Variants in MAF observed in about 807,000 individuals in gnomAD.
MAF encodes the protein transcription factor Maf.
A neutral mutation model predicts 22.0 loss-of-function variants in MAF; 10 were observed. The ratio of observed to expected loss-of-function variants is 0.45; its 90% CI spans 0.28 to 0.77. The LOEUF is 0.77. MAF is among the 30% of genes least tolerant of loss of function. The probability of loss-of-function intolerance (pLI) is 0.12; values close to 1 mark genes in which losing one functional copy is unlikely to be tolerated. For missense variants in MAF, 544 were observed against 548.4 expected (o/e 0.99, Z 0.08); for synonymous variants, 337 against 255.8 (o/e 1.32, Z -3.03).
chr16:79,489,039 T>C, the MAF span, among the ~76,000 whole-genome samples: 1 of 152,192 alleles, frequency 6.6e-6, no homozygotes. Context: ...AATTTGTTGA[T>C]GCCTGAAACT....
chr16:79,353,222 A>G, the MAF span, among the ~76,000 whole-genome samples: 2 of 152,096 alleles, frequency 1.3e-5, no homozygotes, highest in African/African-American at 2.4e-5. Flanking sequence ...CCCAGGTCCA[A>G]GCAATTCTCT....
chr16:79,555,851 G>C, the MAF span, among the ~76,000 whole-genome samples: 1 of 152,112 alleles, frequency 6.6e-6, no homozygotes, highest in African/African-American at 2.4e-5. Context: ...ATAACTTTGA[G>C]GGTCTCAAGA....
the MAF span, among the ~76,000 whole-genome samples, chr16:79,455,790 G>T: frequency 1.3e-5 from 2 of 151,842 alleles, 1 homozygote; most frequent in African/African-American, 4.8e-5. Context: ...GACCAAGGTG[G>T]GCAGACTGCC....
the MAF span, among the ~76,000 whole-genome samples, chr16:79,524,950 G>C: frequency 6.6e-6 from 1 of 152,298 alleles, no homozygotes; most frequent in East Asian, 1.9e-4. Flanking sequence ...AAGTAGAGCA[G>C]CATTAGGTTA....
At chr16:79,581,964 T>C (rs1912548117), downstream of MAF, among the ~76,000 whole-genome samples, 1 of 152,220 alleles carries the variant, frequency 6.6e-6, no homozygotes, top group African/African-American at 2.4e-5. Context: ...TTAGTTCCTA[T>C]GTGAAATTTT....
chr16:79,418,197 G>A, the MAF span, among the ~76,000 whole-genome samples: 1 of 152,182 alleles, frequency 6.6e-6, no homozygotes, highest in Non-Finnish European at 1.5e-5. Flanking sequence ...GGCTGGGCTT[G>A]AGAGACCATC....
the MAF span, among the ~76,000 whole-genome samples, chr16:79,445,161 G>A: frequency 7.6e-4 from 115 of 152,084 alleles, 2 homozygotes; most frequent in Middle Eastern, 0.017. Flanking sequence ...AGCCCCCTGA[G>A]CAGCTGGAAC....
At chr16:79,281,097 C>A in the MAF span, among the ~76,000 whole-genome samples, 2 of 151,368 alleles carry the variant, frequency 1.3e-5, no homozygotes, top group African/African-American at 4.9e-5. Context: ...GAGACGAAGA[C>A]AAATAGAGGA....
the MAF span, among the ~76,000 whole-genome samples, chr16:79,530,705 T>C: frequency 1.3e-5 from 2 of 152,206 alleles, no homozygotes; most frequent in Admixed American, 6.5e-5. Context: ...TTTTGAATAT[T>C]GTGAACTTTC....
downstream of MAF, among the ~76,000 whole-genome samples, chr16:79,590,785 G>C (rs940377613): frequency 6.6e-5 from 10 of 152,052 alleles, no homozygotes; most frequent in Admixed American, 5.2e-4. Context: ...GTTAAAGTCT[G>C]GGCCATACTC....
chr16:79,591,684 T>G (rs1462781098), downstream of MAF, among the ~76,000 whole-genome samples: 2 of 152,218 alleles, frequency 1.3e-5, no homozygotes, highest in Admixed American at 6.5e-5. Context: ...GTTGGTTTGC[T>G]CTTCCCATCT....
the MAF span, among the ~76,000 whole-genome samples, chr16:79,295,538 T>C: frequency 6.6e-6 from 1 of 152,250 alleles, no homozygotes; most frequent in Non-Finnish European, 1.5e-5. Flanking sequence ...CTACTGTCTG[T>C]TTACACCTCC....
At chr16:79,285,615 C>T in the MAF span, among the ~76,000 whole-genome samples, 3 of 152,090 alleles carry the variant, frequency 2.0e-5, no homozygotes, top group Admixed American at 6.5e-5. Context: ...GGAAGTTTAC[C>T]ATGGTGATTC....
the MAF span, among the ~76,000 whole-genome samples, chr16:79,508,409 C>G: frequency 6.6e-6 from 1 of 152,206 alleles, no homozygotes; most frequent in Admixed American, 6.5e-5. Context: ...CCATGGGCCT[C>G]TCTCCTCCTG....
chr16:79,398,671 G>A, the MAF span, among the ~76,000 whole-genome samples: 1 of 150,164 alleles, frequency 6.7e-6, no homozygotes, highest in Non-Finnish European at 1.5e-5. Context: ...ATTGACACAA[G>A]GCTCTCTGAG....
chr16:79,580,318 C>T, the MAF span, among the ~76,000 whole-genome samples: 1 of 152,112 alleles, frequency 6.6e-6, no homozygotes, highest in Non-Finnish European at 1.5e-5. Context: ...CAGGATGCTA[C>T]CAAGTGATCA....
At chr16:79,368,152 T>C in the MAF span, among the ~76,000 whole-genome samples, 1 of 152,126 alleles carries the variant, frequency 6.6e-6, no homozygotes, top group African/African-American at 2.4e-5. Context: ...AGCACAGAGA[T>C]TGCACAGACT....
At chr16:79,379,690 T>A in the MAF span, among the ~76,000 whole-genome samples, 1 of 152,166 alleles carries the variant, frequency 6.6e-6, no homozygotes, top group Non-Finnish European at 1.5e-5. Flanking sequence ...AGGGGCTGAG[T>A]CTTGATCTTT....
At chr16:79,342,248 T>C in the MAF span, among the ~76,000 whole-genome samples, 1 of 152,194 alleles carries the variant, frequency 6.6e-6, no homozygotes, top group Non-Finnish European at 1.5e-5. Context: ...CTTCACTTTC[T>C]TTCTATCTTG....
Sources: gnomAD v4.1 joint callset for allele counts (sites outside exome capture counted in the v4.1 genomes callset) on GRCh38, gnomAD v4.1.1 for gene constraint, MANE v1.5 for transcripts, NCBI Gene and HGNC (gene_info 2026-07-23, HGNC 2026-07-21) for gene names.